Variants in EYS observed in about 807,000 individuals in gnomAD.
The protein encoded by EYS is EGF-like photoreceptor maintenance factor.
A neutral mutation model predicts 282.1 loss-of-function variants in EYS; 250 were observed. That is an observed-to-expected ratio of 0.89 (90% CI 0.80 to 0.98). EYS has a LOEUF of 0.98. Ranked by LOEUF, EYS falls within the 50% of genes least tolerant of loss-of-function variation. The pLI is 0.00. For synonymous variants in EYS, 1,355 were observed against 1,282.9 expected (o/e 1.06, Z -1.20); for missense variants, 4,016 against 3,709.0 (o/e 1.08, Z -2.15).
In EYS at chr6:64,633,151, AT is replaced by A. The variant is rs151125199; in HGVS notation, c.3444-6907del. Among the ~76,000 whole-genome samples, 32 of 152,300 alleles carry A rather than the reference AT, an allele frequency of 2.1e-4. No homozygotes were observed. In the East Asian group the frequency reaches 4.6e-3, roughly 22 times the overall value. ...TTATGCATACAGATTAAGAGGAGTT[AT>A]TCTTAGCAATTATTGTAACATAAAC... On this transcript the variant is annotated intron_variant, in intron 22 of 42. Transcript: ENST00000503581.
chr6:64,857,671 A>G (rs1160629837), intron 19 of EYS, among the ~76,000 whole-genome samples: 1 of 152,174 alleles, frequency 6.6e-6, no homozygotes, highest in Non-Finnish European at 1.5e-5. Flanking sequence ...TAGTTTTTAG[A>G]GGAACCTCCA....
chr6:64,800,964 G>C (rs1022196149), intron 22 of EYS, among the ~76,000 whole-genome samples: 15 of 151,934 alleles, frequency 9.9e-5, no homozygotes, highest in African/African-American at 3.4e-4. Flanking sequence ...ATTTATCAGT[G>C]TTCAAAATTA....
chr6:64,813,318 G>T, intron 22 of EYS, 60 bp downstream of exon 22: 1 of 1,288,864 alleles, frequency 7.8e-7, no homozygotes, highest in Non-Finnish European at 1.1e-6. Context: ...ATTACTAGTG[G>T]GATGTTTATA....
At chr6:65,271,896 T>C (rs1288355847) in intron 12 of EYS, among the ~76,000 whole-genome samples, 1 of 152,118 alleles carries the variant, frequency 6.6e-6, no homozygotes, top group Non-Finnish European at 1.5e-5. Flanking sequence ...AGTCAAAACA[T>C]AAAATTCACC....
intron 26 of EYS, among the ~76,000 whole-genome samples, chr6:64,522,896 T>C (rs1298445453): frequency 1.3e-5 from 2 of 151,732 alleles, no homozygotes; most frequent in African/African-American, 2.4e-5. Context: ...GAAAAGAAAA[T>C]AGCTCAGTTA....
At chr6:65,624,357 T>C (rs1334377203) in intron 2 of EYS, among the ~76,000 whole-genome samples, 1 of 152,174 alleles carries the variant, frequency 6.6e-6, no homozygotes, top group African/African-American at 2.4e-5. Flanking sequence ...AAAGAAACTT[T>C]GCAGAGGTGA....
At chr6:64,266,017 A>C (rs1467941223) in intron 30 of EYS, among the ~76,000 whole-genome samples, 3 of 152,120 alleles carry the variant, frequency 2.0e-5, no homozygotes, top group African/African-American at 7.2e-5. Context: ...GTTTTTTCAA[A>C]TAAAAATTGA....
At chr6:65,036,999 T>G (rs1443915600) in intron 13 of EYS, among the ~76,000 whole-genome samples, 1 of 151,906 alleles carries the variant, frequency 6.6e-6, no homozygotes, top group Non-Finnish European at 1.5e-5. Context: ...ACCATAAATA[T>G]GCATGCACAT....
At position 64,115,264 on chromosome 6, in the gene EYS, G is replaced by C. The variant is rs112729156; in HGVS notation, c.6425-33262C>G. 2.7e-3 allele frequency among the ~76,000 whole-genome samples: 417 copies of C among 152,178 alleles called. 2 individuals carry two copies. Among genetic ancestry groups the C allele is most frequent in the African/African-American group, 9.7e-3 (402 of 41,526 alleles). On this transcript the variant is annotated intron_variant, in intron 31 of 42. Coordinates refer to ENST00000503581, the MANE Select transcript of EYS (RefSeq NM_001142800.2). ...ATGCTGCAGTTCGGGGGTGGGGTTG[G>C]AGAGAGGTCTGAATGCCACCATTGC...
At chr6:64,113,554 A>T (rs1263835664) in intron 31 of EYS, among the ~76,000 whole-genome samples, 2 of 152,286 alleles carry the variant, frequency 1.3e-5, no homozygotes, top group South Asian at 2.1e-4. Context: ...AAGGGAGCAA[A>T]AATTCCTTGA....
chr6:64,906,631 G>A (rs1767835003), intron 16 of EYS, among the ~76,000 whole-genome samples: 2 of 152,154 alleles, frequency 1.3e-5, no homozygotes, highest in Admixed American at 6.5e-5. Flanking sequence ...GATCCCAATT[G>A]TAAATCAATA....
At chr6:64,617,331 T>G in intron 24 of EYS, 87 bp downstream of exon 24, 1 of 881,326 alleles carries the variant, frequency 1.1e-6, no homozygotes, top group Non-Finnish European at 1.8e-6. Flanking sequence ...ACTCCGACCT[T>G]ATTTTTCACC....
At chr6:64,035,461 T>C (rs1268289401) in intron 33 of EYS, among the ~76,000 whole-genome samples, 2 of 152,350 alleles carry the variant, frequency 1.3e-5, no homozygotes, top group Middle Eastern at 3.4e-3. Flanking sequence ...ATCTCAAACA[T>C]GTCCAGACCA....
rs1582620414 is a variant in EYS, at chr6:64,338,559, C to G, written c.6079-31477G>C. On this transcript the variant is annotated intron_variant, in intron 29 of 42. Transcript: ENST00000503581. ...CAATATTTGGAAAATGACCATACTG[C>G]TAAAGGCAATCTACAAATTCAATGC... Among the ~76,000 whole-genome samples the G allele has an allele frequency of 2.0e-5, 3 of 152,070 alleles. No individual in the cohort carries two copies. In the South Asian group the frequency reaches 6.2e-4, roughly 32 times the overall value.
rs751565795 is a variant in EYS at position 64,591,308 on chromosome 6, G to C, written c.4559C>G (p.Ala1520Gly). ...SSALHRFSTK[A>G]FNPSEYQAIT... ...AGCCTGATATTCACTGGGATTGAAG[G>C]CTTTTGTACTGAACCGGTGCAGAGC... is the stretch of plus-strand genomic sequence containing the variant. The change falls in exon 26 of 43, where the codon GCC becomes GGC. Residue 1520 changes from alanine (A) to glycine (G), a missense_variant. Physicochemically the swap from Ala to Gly is moderately conservative, Grantham distance 60 (BLOSUM62 0). Coordinates refer to ENST00000503581, the MANE Select transcript of EYS (RefSeq NM_001142800.2). The C allele has an allele frequency of 8.7e-5, 135 of 1,551,234 alleles. No homozygotes were observed. Among genetic ancestry groups the C allele is most frequent in the Non-Finnish European group, 1.1e-4 (130 of 1,146,790 alleles).
rs1052186614 is a variant in EYS at position 65,454,623 on chromosome 6, A to C, written c.862+35971T>G. On this transcript the variant is annotated intron_variant, in intron 5 of 42. Coordinates refer to ENST00000503581, the MANE Select transcript of EYS (RefSeq NM_001142800.2). ...TAAAGCATTTCTCCTGTTTTCTAAT[A>C]GTTTCATATTTTCAGATTTTACATA... Among the ~76,000 whole-genome samples, 9 of 151,602 alleles carry C rather than the reference A, an allele frequency of 5.9e-5. No homozygotes were observed. The East Asian group carries it at 1.7e-3, about 29-fold the overall frequency.
chr6:65,171,352 C>A (rs376862480), intron 12 of EYS, among the ~76,000 whole-genome samples: 21 of 151,632 alleles, frequency 1.4e-4, no homozygotes, highest in African/African-American at 4.8e-4. Flanking sequence ...CCATGATATC[C>A]ATGCAAGACA....
intron 22 of EYS, among the ~76,000 whole-genome samples, chr6:64,628,608 T>A (rs1484841757): frequency 6.6e-6 from 1 of 152,162 alleles, no homozygotes; most frequent in Non-Finnish European, 1.5e-5. Flanking sequence ...ATGGACATTT[T>A]CTCTGTGTCC....
chr6:64,885,207 TTGTAGC>T (rs1396825420), intron 19 of EYS, among the ~76,000 whole-genome samples: 2 of 151,718 alleles, frequency 1.3e-5, no homozygotes, highest in Non-Finnish European at 3.0e-5. Context: ...TTTCTTTTAC[TTGTAGC>T]TGTACCAATA....
Sources: allele counts gnomAD v4.1 joint callset (sites outside exome capture counted in the v4.1 genomes callset), GRCh38; gene constraint gnomAD v4.1.1; transcripts MANE v1.5; gene names NCBI Gene and HGNC (gene_info 2026-07-23, HGNC 2026-07-21).